Variants in GRID2 observed in about 807,000 individuals in gnomAD.
The protein encoded by GRID2 is glutamate receptor ionotropic, delta-2.
In GRID2, 33 loss-of-function variants were observed where a neutral mutation model predicts 114.8. That is an observed-to-expected ratio of 0.29 (90% confidence interval 0.22 to 0.38). GRID2 has a LOEUF of 0.38. Ranked by LOEUF, GRID2 falls within the 10% of genes least tolerant of loss-of-function variation. GRID2 has a pLI of 1.00. For missense variants in GRID2, 1,184 were observed against 1,257.7 expected, an observed-to-expected ratio of 0.94 and a Z score of 0.89; for synonymous variants, 505 against 449.9, an observed-to-expected ratio of 1.12 and a Z score of -1.55.
intron 14 of GRID2, among the ~76,000 whole-genome samples, chr4:93,748,594 GGAATCGAAACCAA>G (rs1284929679): frequency 6.6e-6 from 1 of 152,186 alleles, no homozygotes; most frequent in Admixed American, 6.5e-5. Context: ...AGTGATTACA[GGAATCGAAACCAA>G]GATTTTACTT....
intron 4 of GRID2, among the ~76,000 whole-genome samples, chr4:93,158,724 G>A (rs1737403560): frequency 6.6e-6 from 1 of 151,744 alleles, no homozygotes; most frequent in Non-Finnish European, 1.5e-5. Flanking sequence ...AACTCCAGCT[G>A]TCTTTGACAG....
chr4:93,376,446 A>G (rs1763390652), intron 8 of GRID2, among the ~76,000 whole-genome samples: 1 of 152,162 alleles, frequency 6.6e-6, no homozygotes, highest in Admixed American at 6.6e-5. Context: ...AACTACAGAA[A>G]AAAAAAATGA....
At position 93,361,022 on chromosome 4, in the gene GRID2, T is replaced by C. The variant is rs78628379; in HGVS notation, c.1246-34585T>C. 6.9e-3 allele frequency among the ~76,000 whole-genome samples: 1,049 copies of C among 152,242 alleles called. 11 individuals are homozygous for C. The highest frequency in any genetic ancestry group is 0.023 in the African/African-American group (972 of 41,586). Reference sequence around the variant, plus strand: ...TATTGAATAATTTTTCTCCAAATTCTATTTTATCTAATATAACCATTGCTA... The same window carrying C: ...TATTGAATAATTTTTCTCCAAATTCCATTTTATCTAATATAACCATTGCTA... On this transcript the variant is annotated intron_variant, in intron 8 of 15. Coordinates refer to ENST00000282020, the MANE Select transcript of GRID2 (RefSeq NM_001510.4).
chr4:92,858,090 T>G (rs539354886), intron 2 of GRID2, among the ~76,000 whole-genome samples: 1 of 152,336 alleles, frequency 6.6e-6, no homozygotes, highest in East Asian at 1.9e-4. Flanking sequence ...TTTCAAATTA[T>G]GTCTGCTAAT....
chr4:92,752,895 G>C (rs141544429), intron 2 of GRID2, among the ~76,000 whole-genome samples: 1 of 152,048 alleles, frequency 6.6e-6, no homozygotes, highest in Non-Finnish European at 1.5e-5. Context: ...GCAAATTTAC[G>C]ACTTTCAAAG....
Position 92,937,606 on chromosome 4 carries a change from G to A in GRID2, c.245-147389G>A, listed in dbSNP as rs115692401. Among the ~76,000 whole-genome samples, 1,433 of 146,646 alleles carry A rather than the reference G, an allele frequency of 9.8e-3. 47 individuals are homozygous for A. The highest frequency in any genetic ancestry group is 0.033 in the African/African-American group (1,341 of 41,242). On this transcript the variant is annotated intron_variant, in intron 2 of 15. Transcript: ENST00000282020. Reference sequence around the variant, plus strand: ...CAGTATCAAATTATCTGGATTACTGGTGCTTTGCAATAAGATTTGAAGGGC... The same window carrying A: ...CAGTATCAAATTATCTGGATTACTGATGCTTTGCAATAAGATTTGAAGGGC...
chr4:93,242,291 T>C (rs1426903987), intron 8 of GRID2, among the ~76,000 whole-genome samples: 1 of 150,312 alleles, frequency 6.7e-6, no homozygotes, highest in Non-Finnish European at 1.5e-5. Flanking sequence ...GAGAGGTGAC[T>C]AGGGAATATT....
At chr4:93,139,390 G>A (rs1180100392) in intron 4 of GRID2, among the ~76,000 whole-genome samples, 2 of 152,156 alleles carry the variant, frequency 1.3e-5, no homozygotes, top group Non-Finnish European at 2.9e-5. Flanking sequence ...ACCTCCTGAA[G>A]TCAGAGGCTT....
chr4:93,370,552 G>GCA (rs758144808), intron 8 of GRID2, among the ~76,000 whole-genome samples: 405 of 151,734 alleles, frequency 2.7e-3, no homozygotes, highest in Non-Finnish European at 4.6e-3. Context: ...ATTGTTCACT[G>GCA]TTTCTTGAAA....
intron 14 of GRID2, among the ~76,000 whole-genome samples, chr4:93,759,577 A>G (rs1021926165): frequency 1.3e-5 from 2 of 152,236 alleles, no homozygotes; most frequent in African/African-American, 4.8e-5. Flanking sequence ...CACAGATTGG[A>G]AACTTCACAA....
At chr4:93,467,977 C>T (rs1475339777) in intron 11 of GRID2, among the ~76,000 whole-genome samples, 1 of 152,136 alleles carries the variant, frequency 6.6e-6, no homozygotes. Context: ...TTCCAGAAGA[C>T]CAGTTTATTC....
intron 14 of GRID2, among the ~76,000 whole-genome samples, chr4:93,727,577 G>A (rs1730049089): frequency 6.6e-6 from 1 of 152,128 alleles, no homozygotes; most frequent in South Asian, 2.1e-4. Flanking sequence ...GTTCCTCCTT[G>A]TACTTCTGGT....
intron 8 of GRID2, among the ~76,000 whole-genome samples, chr4:93,306,899 G>A (rs1755482423): frequency 6.6e-6 from 1 of 152,030 alleles, no homozygotes; most frequent in African/African-American, 2.4e-5. Flanking sequence ...GTGTTTTTTA[G>A]AAATAACCTA....
chr4:92,771,602 A>G (rs962132240), intron 2 of GRID2, among the ~76,000 whole-genome samples: 19 of 152,146 alleles, frequency 1.2e-4, no homozygotes, highest in Non-Finnish European at 1.3e-4. Flanking sequence ...TTGTTTGTCT[A>G]CATAATTCTT....
chr4:92,381,043 G>C (rs1400353961), intron 1 of GRID2, among the ~76,000 whole-genome samples: 1 of 151,926 alleles, frequency 6.6e-6, no homozygotes, highest in Non-Finnish European at 1.5e-5. Context: ...ACCTGTTAGT[G>C]TCTCTAATGT....
chr4:92,343,513 C>T (rs1325955505), intron 1 of GRID2, among the ~76,000 whole-genome samples: 1 of 151,928 alleles, frequency 6.6e-6, no homozygotes, highest in Non-Finnish European at 1.5e-5. Flanking sequence ...TAACTAATAG[C>T]ATAAACAGTA....
In GRID2 at chr4:93,290,487, T is replaced by A. The variant is rs74288602; in HGVS notation, c.1245+51997T>A. On this transcript the variant is annotated intron_variant, in intron 8 of 15. Transcript: ENST00000282020. ...TCATCTTTAATGTCAGGTGATGACA[T>A]CAAGTGATTTATTTTTCATTTTTCT... Among the ~76,000 whole-genome samples, 3,817 of 152,304 alleles carry A rather than the reference T, an allele frequency of 0.025. 218 individuals carry two copies. The East Asian group carries it at 0.25, about 10-fold the overall frequency.
intron 1 of GRID2, among the ~76,000 whole-genome samples, chr4:92,444,828 T>G (rs1300045955): frequency 6.6e-6 from 1 of 152,212 alleles, no homozygotes; most frequent in East Asian, 1.9e-4. Context: ...TTACATATTT[T>G]TGGAGGATTG....
chr4:92,781,270 CA>C (rs1464525988), intron 2 of GRID2, among the ~76,000 whole-genome samples: 1 of 151,792 alleles, frequency 6.6e-6, no homozygotes, highest in Non-Finnish European at 1.5e-5. Context: ...AAAAACATAA[CA>C]AAACAACAAC....
Sources: allele counts gnomAD v4.1 joint callset (sites outside exome capture counted in the v4.1 genomes callset), GRCh38; gene constraint gnomAD v4.1.1; transcripts MANE v1.5; gene names NCBI Gene and HGNC (gene_info 2026-07-23, HGNC 2026-07-21).